TRPM3: variants seen among roughly 807,000 people sequenced by gnomAD.
The protein encoded by TRPM3 is transient receptor potential cation channel subfamily M member 3, also known as long transient receptor potential channel 3.
Under a neutral mutation model 181.2 loss-of-function variants are expected in TRPM3, and 77 were observed. The ratio of observed to expected loss-of-function variants is 0.42; its 90% CI spans 0.35 to 0.51. TRPM3 has a LOEUF of 0.51. Ranked by LOEUF, TRPM3 falls within the 20% of genes least tolerant of loss-of-function variation. The probability of loss-of-function intolerance (pLI) is 0.01; values close to 1 mark genes in which losing one functional copy is unlikely to be tolerated. For synonymous variants in TRPM3, 745 were observed against 796.4 expected (o/e 0.94, Z 1.09); for missense variants, 1,759 against 2,196.7 (o/e 0.80, Z 3.98).
rs2063220420 is a variant in TRPM3 at position 70,619,141 on chromosome 9, A to ACTT, written c.2130-49_2130-47dup. 1.9e-6 allele frequency: 3 copies of ACTT among 1,545,358 alleles called. No homozygotes were observed. In the African/African-American group the frequency reaches 4.1e-5, roughly 21 times the overall value. The stretch of plus-strand genomic sequence containing the variant: ...AAGAGTCCTTCAGGTCAGCTTGGAG[A>ACTT]CTTATAAGGTAAAAGTGGACCTGCT... On this transcript the variant is annotated intron_variant, in intron 16 of 25. Transcript: ENST00000677713.
rs1461704125 is a variant in TRPM3, at chr9:71,032,060, A to AAT, written c.177+89117_177+89118insAT. On this transcript the variant is annotated intron_variant, in intron 1 of 25. Coordinates refer to ENST00000677713, the MANE Select transcript of TRPM3 (RefSeq NM_001366145.2). ...TATATATATATATATTATATATATT[A>AAT]TATATATTATATTATATTATATATA... 1.7e-3 allele frequency among the ~76,000 whole-genome samples: 10 copies of AAT among 5,964 alleles called. 1 individual carries two copies. Among genetic ancestry groups the AAT allele is most frequent in the African/African-American group, 7.1e-3 (8 of 1,126 alleles). The allele number at this position is 5,964 out of a possible 152,430, so 3.9% of individuals were successfully genotyped here.
intron 1 of TRPM3, among the ~76,000 whole-genome samples, chr9:71,439,991 C>T (rs1487672300): frequency 4.0e-5 from 6 of 151,816 alleles, no homozygotes; most frequent in Non-Finnish European, 2.9e-5. Context: ...GGCATGGTGG[C>T]GGGCACCTGT....
chr9:70,810,681 T>TA (rs1184102229), intron 6 of TRPM3, among the ~76,000 whole-genome samples: 1 of 152,018 alleles, frequency 6.6e-6, no homozygotes, highest in Admixed American at 6.6e-5. Context: ...GGAGCCTTTT[T>TA]AAAAAAATGA....
intron 12 of TRPM3, among the ~76,000 whole-genome samples, chr9:70,634,123 AT>A (rs2066428417): frequency 6.6e-6 from 1 of 152,066 alleles, no homozygotes; most frequent in African/African-American, 2.4e-5. Context: ...TAAAATAATA[AT>A]TTTTTGATGG....
At position 70,620,385 on chromosome 9, in the gene TRPM3, A is replaced by G. The variant is rs1015461347; in HGVS notation, c.1840-20T>C. 3 of 1,590,720 alleles carry G rather than the reference A, an allele frequency of 1.9e-6. No individual in the cohort carries two copies. The African/African-American group carries it at 4.0e-5, about 21-fold the overall frequency. ...ATCATCCTGTAATTACAGGGAAACCACACAGACTGAGTTAGAAATGAATTG... is the reference window on the plus strand; with the variant it reads ...ATCATCCTGTAATTACAGGGAAACCGCACAGACTGAGTTAGAAATGAATTG... On this transcript the variant is annotated intron_variant, in intron 15 of 25. Transcript: ENST00000677713.
chr9:71,400,610 T>C (rs1411362050), intron 1 of TRPM3, among the ~76,000 whole-genome samples: 2 of 152,114 alleles, frequency 1.3e-5, no homozygotes, highest in Non-Finnish European at 2.9e-5. Flanking sequence ...TTTTAACTTT[T>C]TCAATTTTCA....
rs888235432 is a variant in TRPM3, at chr9:70,647,635, A to G, written c.1346-6975T>C. On this transcript the variant is annotated intron_variant, in intron 9 of 25. Transcript: ENST00000677713. ...CATTCCCCTTGAGAACTGGAACAAG[A>G]CAAGGATGCCCACTCTCACTACTTC... 8.5e-5 allele frequency among the ~76,000 whole-genome samples: 13 copies of G among 152,192 alleles called. 1 individual carries two copies. Among genetic ancestry groups the G allele is most frequent in the Admixed American group, 2.6e-4 (4 of 15,270 alleles).
At position 70,869,138 on chromosome 9, in the gene TRPM3, G is replaced by C. The variant is rs139995805; in HGVS notation, c.178-4627C>G. 1.7e-5 allele frequency: 14 copies of C among 834,388 alleles called. No homozygotes were observed. The South Asian group carries it at 6.5e-4, about 39-fold the overall frequency. The allele number at this position is 834,388 out of a possible 1,614,324, so 51.7% of individuals were successfully genotyped here. ...GTCACTTGTTCGGCTCTTCCCCCAA[G>C]AGACGTTTCAAGTAAGCAATGAACT... On this transcript the variant is annotated intron_variant, in intron 1 of 25. Coordinates refer to ENST00000677713, the MANE Select transcript of TRPM3 (RefSeq NM_001366145.2).
At chr9:70,804,708 C>T (rs200696539) in intron 6 of TRPM3, among the ~76,000 whole-genome samples, 2 of 146,424 alleles carry the variant, frequency 1.4e-5, no homozygotes, top group African/African-American at 5.2e-5. Flanking sequence ...CCCTTCCCTT[C>T]CCTTCTCTTC....
intron 1 of TRPM3, among the ~76,000 whole-genome samples, chr9:71,274,799 G>C (rs143050727): frequency 2.6e-5 from 4 of 152,276 alleles, no homozygotes; most frequent in African/African-American, 9.6e-5. Flanking sequence ...ATAGCTTCTA[G>C]TATGTTTTGT....
At chr9:70,909,169 C>T (rs983788375) in intron 1 of TRPM3, among the ~76,000 whole-genome samples, 18 of 152,204 alleles carry the variant, frequency 1.2e-4, no homozygotes, top group Admixed American at 3.9e-4. Flanking sequence ...ATGCAAGTCA[C>T]ATAGCTGATT....
chr9:70,656,420 A>G (rs758335927), intron 9 of TRPM3, among the ~76,000 whole-genome samples: 2 of 152,234 alleles, frequency 1.3e-5, no homozygotes, highest in Non-Finnish European at 2.9e-5. Flanking sequence ...TGTTTTGGGA[A>G]AAGACTGTTA....
At chr9:71,422,547 G>A (rs556406708) in intron 1 of TRPM3, among the ~76,000 whole-genome samples, 11 of 152,060 alleles carry the variant, frequency 7.2e-5, no homozygotes, top group Admixed American at 2.6e-4. Flanking sequence ...GAGGTTTTAC[G>A]AAATGTAGTT....
At chr9:71,282,102 A>G (rs139272106) in intron 1 of TRPM3, among the ~76,000 whole-genome samples, 11,565 of 59,338 alleles carry the variant, frequency 0.19, 916 homozygotes, top group African/African-American at 0.29. Context: ...AGAAAGAAAG[A>G]AAAGAAAGAA....
chr9:70,787,261 C>T (rs1481024130), intron 6 of TRPM3, among the ~76,000 whole-genome samples: 1 of 152,142 alleles, frequency 6.6e-6, no homozygotes, highest in Non-Finnish European at 1.5e-5. Flanking sequence ...GCTGAACACA[C>T]ACACACACAT....
chr9:71,088,787 G>T (rs1164088877), intron 1 of TRPM3, among the ~76,000 whole-genome samples: 1 of 148,246 alleles, frequency 6.7e-6, no homozygotes, highest in African/African-American at 2.4e-5. Flanking sequence ...TCCTTTTTTT[G>T]AAAGACTCTC....
chr9:71,173,795 A>G (rs746447754), intron 1 of TRPM3, among the ~76,000 whole-genome samples: 1 of 152,228 alleles, frequency 6.6e-6, no homozygotes, highest in Non-Finnish European at 1.5e-5. Context: ...TTGTTTTTAG[A>G]TTTATTACCT....
chr9:70,794,277 G>A (rs544404941), intron 6 of TRPM3, among the ~76,000 whole-genome samples: 30 of 152,284 alleles, frequency 2.0e-4, no homozygotes, highest in African/African-American at 6.7e-4. Context: ...AGTCACCTGT[G>A]TGGTTTATCA....
chr9:71,028,595 C>T (rs928241266), intron 1 of TRPM3, among the ~76,000 whole-genome samples: 24 of 149,636 alleles, frequency 1.6e-4, no homozygotes, highest in Admixed American at 1.5e-3. Context: ...CACACATAGG[C>T]TCAAAATAAA....
Sources: allele counts gnomAD v4.1 joint callset (sites outside exome capture counted in the v4.1 genomes callset), GRCh38; gene constraint gnomAD v4.1.1; transcripts MANE v1.5; gene names NCBI Gene and HGNC (gene_info 2026-07-23, HGNC 2026-07-21).